BRINP2: variants seen among roughly 807,000 people sequenced by gnomAD.
BRINP2 encodes BMP/retinoic acid-inducible neural-specific protein 2.
In BRINP2, 21 loss-of-function variants were observed where a neutral mutation model predicts 69.2. That is an observed-to-expected ratio of 0.30 (90% confidence interval 0.22 to 0.44). The LOEUF (loss-of-function observed/expected upper bound fraction) is 0.44. Among genes scored for constraint, BRINP2 ranks in the 20% least tolerant of loss-of-function variants. BRINP2 has a pLI of 1.00. For synonymous variants in BRINP2, 380 were observed against 394.1 expected (o/e 0.96, Z 0.42); for missense variants, 877 against 986.0 (o/e 0.89, Z 1.48).
intron 1 of BRINP2, among the ~76,000 whole-genome samples, chr1:177,179,955 C>CAA (rs1648198975): frequency 6.6e-6 from 1 of 152,072 alleles, no homozygotes; most frequent in African/African-American, 2.4e-5. Context: ...TTCACACACA[C>CAA]GCACACCCCG....
chr1:177,209,931 G>C (rs1472186649), intron 1 of BRINP2, among the ~76,000 whole-genome samples: 1 of 152,062 alleles, frequency 6.6e-6, no homozygotes, highest in Non-Finnish European at 1.5e-5. Flanking sequence ...TTCAGCACCT[G>C]GCAACAATTA....
chr1:177,204,236 C>T (rs755796272), intron 1 of BRINP2, among the ~76,000 whole-genome samples: 2 of 152,016 alleles, frequency 1.3e-5, no homozygotes, highest in African/African-American at 4.8e-5. Context: ...CGTTTTGAGA[C>T]ACCTAGTTGA....
rs1319520759 is a variant in BRINP2 at position 177,275,127 on chromosome 1, C to T, written c.776-1071C>T. 2.2e-5 allele frequency: 10 copies of T among 456,162 alleles called. No individual in the cohort carries two copies. The East Asian group carries it at 5.6e-4, about 25-fold the overall frequency. 28.3% of individuals were successfully genotyped at this position (456,162 alleles called of 1,614,324 possible). On this transcript the variant is annotated intron_variant, in intron 5 of 7. Coordinates refer to ENST00000361539, the MANE Select transcript of BRINP2 (RefSeq NM_021165.4). Reference sequence around the variant, plus strand: ...GGGGAGCCTCCTGCAGATCTGACCTCGAACGTGGCCCAGACTGCATCCAAA... The same window carrying T: ...GGGGAGCCTCCTGCAGATCTGACCTTGAACGTGGCCCAGACTGCATCCAAA...
chr1:177,187,685 G>C (rs1213622534), intron 1 of BRINP2, among the ~76,000 whole-genome samples: 1 of 152,118 alleles, frequency 6.6e-6, no homozygotes, highest in Non-Finnish European at 1.5e-5. Flanking sequence ...TTCCGCTCTT[G>C]TTCTGCTCTT....
intron 5 of BRINP2, among the ~76,000 whole-genome samples, chr1:177,274,212 C>T (rs1340624179): frequency 6.6e-6 from 1 of 152,116 alleles, no homozygotes; most frequent in African/African-American, 2.4e-5. Context: ...GAAAGAAAAC[C>T]ACACTAACCC....
chr1:177,278,053 G>A (rs1651559889), intron 6 of BRINP2, among the ~76,000 whole-genome samples: 2 of 152,172 alleles, frequency 1.3e-5, no homozygotes, highest in Admixed American at 1.3e-4. Flanking sequence ...GGAGAGGCTG[G>A]TCTCAGGGAC....
intron 1 of BRINP2, among the ~76,000 whole-genome samples, chr1:177,192,161 G>T (rs539073887): frequency 5.3e-5 from 8 of 152,128 alleles, no homozygotes; most frequent in African/African-American, 1.7e-4. Context: ...CATAATAGGG[G>T]TCTCCTGTAA....
chr1:177,278,534 C>T (rs1651576742), intron 6 of BRINP2, 29 bp from the exon 7 acceptor site: 1 of 1,608,022 alleles, frequency 6.2e-7, no homozygotes, highest in Non-Finnish European at 8.5e-7. Flanking sequence ...AGCTACCCGT[C>T]AGCTCAGGTC....
chr1:177,232,333 A>G (rs1310929166), intron 2 of BRINP2, among the ~76,000 whole-genome samples: 1 of 151,948 alleles, frequency 6.6e-6, no homozygotes, highest in Admixed American at 6.6e-5. Context: ...TGCACCATCA[A>G]CTGTTCTATC....
intron 1 of BRINP2, among the ~76,000 whole-genome samples, chr1:177,186,519 C>G (rs1194994631): frequency 2.0e-5 from 3 of 152,022 alleles, no homozygotes; most frequent in African/African-American, 7.2e-5. Context: ...GTCTCTTGTG[C>G]TCTTAGGTCC....
rs202063814 is a variant in BRINP2, at chr1:177,278,768, C to G, written c.1218C>G (p.Phe406Leu). The stretch of plus-strand genomic sequence containing the variant: ...AGCGCTGCCATCGCCAGCCTCGCTT[C>G]CGCCTGCCCAAGGAGAGGTGAGCAC... ...LCKRCHRQPR[F>L]RLPKERSLSY... Residue 406 changes from phenylalanine to leucine, a missense_variant, in exon 7 of 8, where the codon TTC (phenylalanine) becomes TTG (leucine). Phe to Leu is a conservative substitution (Grantham distance 22, BLOSUM62 0). Transcript: ENST00000361539. The G allele has an allele frequency of 1.2e-6, 2 of 1,614,052 alleles. No homozygotes were observed. Among genetic ancestry groups the G allele is most frequent in the Non-Finnish European group, 8.5e-7 (1 of 1,180,032 alleles).
intron 1 of BRINP2, among the ~76,000 whole-genome samples, chr1:177,211,398 G>A (rs1649218597): frequency 6.6e-6 from 1 of 152,172 alleles, no homozygotes; most frequent in African/African-American, 2.4e-5. Context: ...CCCAGTAACA[G>A]CCTGTATGAC....
At chr1:177,208,319 G>C (rs574917510) in intron 1 of BRINP2, among the ~76,000 whole-genome samples, 1 of 152,206 alleles carries the variant, frequency 6.6e-6, no homozygotes, top group Non-Finnish European at 1.5e-5. Flanking sequence ...AAGACAGGCA[G>C]GCACTGTATG....
At position 177,178,398 on chromosome 1, in the gene BRINP2, T is replaced by A. The variant is rs191733876; in HGVS notation, c.-77+6666T>A. ...AACCTCTCTGTGCATCTTTCCTACA[T>A]CCCGCTTCTCACAGCAGCCACTTCA... On this transcript the variant is annotated intron_variant, in intron 1 of 7. Transcript: ENST00000361539. Among the ~76,000 whole-genome samples the A allele has an allele frequency of 2.9e-3, 443 of 152,256 alleles. 6 individuals are homozygous for A. Among genetic ancestry groups the A allele is most frequent in the African/African-American group, 0.01 (428 of 41,552 alleles).
At chr1:177,172,510 C>G (rs1647967949) in intron 1 of BRINP2, among the ~76,000 whole-genome samples, 1 of 152,164 alleles carries the variant, frequency 6.6e-6, no homozygotes, top group Non-Finnish European at 1.5e-5. Context: ...CACAGAAGAA[C>G]CAAGCATGTC....
intron 2 of BRINP2, among the ~76,000 whole-genome samples, chr1:177,240,541 G>C (rs1650167040): frequency 6.6e-6 from 1 of 152,174 alleles, no homozygotes; most frequent in Admixed American, 6.5e-5. Context: ...GGAGTCGAGA[G>C]GAAAAGAGGC....
intron 1 of BRINP2, among the ~76,000 whole-genome samples, chr1:177,224,805 CTT>C (rs1331297358): frequency 6.6e-6 from 1 of 152,062 alleles, no homozygotes; most frequent in African/African-American, 2.4e-5. Context: ...TATGAAATGA[CTT>C]ATATTGGTAT....
intron 2 of BRINP2, among the ~76,000 whole-genome samples, chr1:177,248,391 C>T (rs1164142406): frequency 2.0e-5 from 3 of 151,936 alleles, no homozygotes; most frequent in African/African-American, 4.8e-5. Context: ...AGATCAGGGA[C>T]ACTCAACCTG....
At chr1:177,200,321 A>AAAAAAAAAAAAAAAAC (rs1648871766) in intron 1 of BRINP2, among the ~76,000 whole-genome samples, 1 of 147,182 alleles carries the variant, frequency 6.8e-6, no homozygotes, top group Non-Finnish European at 1.5e-5. Flanking sequence ...AAAAAAAAAA[A>AAAAAAAAAAAAAAAAC]AGAATGCATT....
Sources: allele counts gnomAD v4.1 joint callset (sites outside exome capture counted in the v4.1 genomes callset), GRCh38; gene constraint gnomAD v4.1.1; transcripts MANE v1.5; gene names NCBI Gene and HGNC (gene_info 2026-07-23, HGNC 2026-07-21).